Variants in CPNE8 observed in about 807,000 individuals in gnomAD.
The protein encoded by CPNE8 is copine 8.
Under a neutral mutation model 81.5 loss-of-function variants are expected in CPNE8, and 45 were observed. That is an observed-to-expected ratio of 0.55 (90% CI 0.44 to 0.71). The LOEUF is 0.71. CPNE8 is among the 30% of genes least tolerant of loss of function. The pLI, the probability that CPNE8 is intolerant of heterozygous loss-of-function variation, is 0.00. For missense variants in CPNE8, 594 were observed against 672.1 expected, an observed-to-expected ratio of 0.88 and a Z score of 1.28; for synonymous variants, 252 against 226.3, an observed-to-expected ratio of 1.11 and a Z score of -1.02.
chr12:38,864,734 A>G (rs1018164254), intron 3 of CPNE8, among the ~76,000 whole-genome samples: 2 of 152,336 alleles, frequency 1.3e-5, no homozygotes, highest in Admixed American at 1.3e-4. Flanking sequence ...AGGTAACACA[A>G]TAAAACTTCT....
intron 16 of CPNE8, among the ~76,000 whole-genome samples, chr12:38,678,877 T>C (rs1939349144): frequency 6.6e-6 from 1 of 151,802 alleles, no homozygotes. Context: ...ACTGAACAAT[T>C]GATTCTGGAC....
intron 10 of CPNE8, among the ~76,000 whole-genome samples, chr12:38,757,873 C>T (rs1941492740): frequency 1.3e-5 from 2 of 151,978 alleles, no homozygotes; most frequent in African/African-American, 2.4e-5. Flanking sequence ...CCTAATCTCA[C>T]CCCTTTATTT....
At chr12:38,807,241 G>C (rs966646794) in intron 6 of CPNE8, among the ~76,000 whole-genome samples, 3 of 148,350 alleles carry the variant, frequency 2.0e-5, no homozygotes, top group East Asian at 2.0e-4. Context: ...CACAGAATTG[G>C]AAAAAACTAC....
chr12:38,773,294 A>G (rs1941846899), intron 7 of CPNE8, among the ~76,000 whole-genome samples: 1 of 152,140 alleles, frequency 6.6e-6, no homozygotes, highest in Non-Finnish European at 1.5e-5. Context: ...AAATCTGCTG[A>G]AAGGGTAAAT....
At chr12:38,796,583 G>A (rs1303926169) in intron 6 of CPNE8, among the ~76,000 whole-genome samples, 2 of 152,144 alleles carry the variant, frequency 1.3e-5, no homozygotes, top group Non-Finnish European at 2.9e-5. Context: ...GGCCGAATAG[G>A]AACAGCTCCG....
intron 19 of CPNE8, among the ~76,000 whole-genome samples, chr12:38,670,027 T>C (rs1212099711): frequency 6.6e-6 from 1 of 152,118 alleles, no homozygotes; most frequent in Non-Finnish European, 1.5e-5. Flanking sequence ...CAGTCAAAAG[T>C]CCCTCCCAGG....
chr12:38,831,514 T>TG (rs1383484680), intron 5 of CPNE8, among the ~76,000 whole-genome samples: 3 of 152,160 alleles, frequency 2.0e-5, no homozygotes, highest in African/African-American at 7.2e-5. Context: ...AAACCATACT[T>TG]GCACATGAGA....
intron 11 of CPNE8, among the ~76,000 whole-genome samples, chr12:38,727,945 C>A (rs889460263): frequency 6.6e-6 from 1 of 152,154 alleles, no homozygotes; most frequent in African/African-American, 2.4e-5. Flanking sequence ...ATAAGGAGTG[C>A]CCAAATGTAT....
intron 5 of CPNE8, among the ~76,000 whole-genome samples, chr12:38,833,724 C>T (rs1437922611): frequency 4.6e-5 from 7 of 152,058 alleles, no homozygotes; most frequent in East Asian, 3.9e-4. Context: ...GTGATCTGCC[C>T]GCCTTGTCCT....
intron 3 of CPNE8, among the ~76,000 whole-genome samples, chr12:38,859,829 A>C (rs1009385851): frequency 6.6e-6 from 1 of 152,286 alleles, no homozygotes; most frequent in African/African-American, 2.4e-5. Context: ...TTTCTTCAAC[A>C]GATGGTGTAG....
intron 17 of CPNE8, among the ~76,000 whole-genome samples, chr12:38,677,002 A>AAC (rs1555142101): frequency 6.6e-6 from 1 of 152,030 alleles, no homozygotes; most frequent in Non-Finnish European, 1.5e-5. Flanking sequence ...CCCTAAAAAA[A>AAC]AAACATACAA....
chr12:38,751,323 G>A (rs570339224), intron 10 of CPNE8, among the ~76,000 whole-genome samples: 3 of 152,058 alleles, frequency 2.0e-5, no homozygotes, highest in Middle Eastern at 3.4e-3. Context: ...TAAAATATTC[G>A]CCTTTTTTAA....
At chr12:38,655,759 G>A (rs1938802302) in intron 19 of CPNE8, among the ~76,000 whole-genome samples, 1 of 151,940 alleles carries the variant, frequency 6.6e-6, no homozygotes, top group African/African-American at 2.4e-5. Flanking sequence ...TGCAATGAAG[G>A]TAGTCTCTTT....
intron 6 of CPNE8, among the ~76,000 whole-genome samples, chr12:38,814,925 C>T (rs1254347873): frequency 6.6e-6 from 1 of 152,114 alleles, no homozygotes; most frequent in East Asian, 1.9e-4. Context: ...ACAATTTTAA[C>T]TTTATATATA....
chr12:38,723,948 TA>T (rs1940634479), intron 12 of CPNE8, 115 bp from the exon 13 acceptor site: 1 of 651,814 alleles, frequency 1.5e-6, no homozygotes, highest in Non-Finnish European at 2.7e-6. Context: ...CTAAAGATAT[TA>T]TTTTTTATTA....
At chr12:38,825,792 A>C (rs1479546360) in intron 6 of CPNE8, among the ~76,000 whole-genome samples, 2 of 152,220 alleles carry the variant, frequency 1.3e-5, no homozygotes, top group African/African-American at 4.8e-5. Flanking sequence ...TTTCCAGTCC[A>C]TTGTTCACCT....
In CPNE8 at chr12:38,690,157, A is replaced by G. The variant is rs530243811; in HGVS notation, c.1143+3500T>C. On this transcript the variant is annotated intron_variant, in intron 15 of 19. Coordinates refer to ENST00000331366, the MANE Select transcript of CPNE8 (RefSeq NM_153634.3). ...GAGATAAATAGGTTAATGTTAGAGAACATATATCACAAATTCATACCATGG... is the reference window on the plus strand; with the variant it reads ...GAGATAAATAGGTTAATGTTAGAGAGCATATATCACAAATTCATACCATGG... 2.0e-5 allele frequency among the ~76,000 whole-genome samples: 3 copies of G among 152,282 alleles called. No individual in the cohort carries two copies. In the East Asian group the frequency reaches 5.8e-4, roughly 29 times the overall value.
chr12:38,658,406 G>A (rs1391131808), intron 19 of CPNE8, among the ~76,000 whole-genome samples: 2 of 152,186 alleles, frequency 1.3e-5, no homozygotes, highest in Non-Finnish European at 1.5e-5. Context: ...TATGTGAAAA[G>A]ACCAAATCTA....
At chr12:38,781,069 G>A (rs1942043199) in intron 6 of CPNE8, among the ~76,000 whole-genome samples, 1 of 151,914 alleles carries the variant, frequency 6.6e-6, no homozygotes, top group Admixed American at 6.6e-5. Context: ...TACTGTTCAG[G>A]AAGAAATTAA....
Sources: gnomAD v4.1 joint callset for allele counts (sites outside exome capture counted in the v4.1 genomes callset) on GRCh38, gnomAD v4.1.1 for gene constraint, MANE v1.5 for transcripts, NCBI Gene and HGNC (gene_info 2026-07-23, HGNC 2026-07-21) for gene names.